Variants in CLSTN2 observed in about 807,000 individuals in gnomAD.
CLSTN2 encodes calsyntenin 2, also known as calsyntenin-2.
A neutral mutation model predicts 101.2 loss-of-function variants in CLSTN2; 48 were observed. That is an observed-to-expected ratio of 0.47 (90% CI 0.38 to 0.60). The LOEUF (loss-of-function observed/expected upper bound fraction) is 0.60. Among genes scored for constraint, CLSTN2 ranks in the 20% least tolerant of loss-of-function variants. The probability of loss-of-function intolerance (pLI) is 0.00; values close to 1 mark genes in which losing one functional copy is unlikely to be tolerated. For missense variants in CLSTN2, 1,160 were observed against 1,238.2 expected, an observed-to-expected ratio of 0.94 and a Z score of 0.95; for synonymous variants, 481 against 463.6, an observed-to-expected ratio of 1.04 and a Z score of -0.48.
At chr3:140,161,757 G>A (rs1277890074) in intron 1 of CLSTN2, among the ~76,000 whole-genome samples, 1 of 152,068 alleles carries the variant, frequency 6.6e-6, no homozygotes, top group Non-Finnish European at 1.5e-5. Flanking sequence ...TACCTGAGCA[G>A]CATGTGCTGT....
chr3:140,131,423 T>C (rs1301112700), intron 1 of CLSTN2, among the ~76,000 whole-genome samples: 1 of 152,162 alleles, frequency 6.6e-6, no homozygotes. Flanking sequence ...AAATACAAAT[T>C]ATGCGTGTGT....
chr3:140,546,497 T>A lies in CLSTN2; in HGVS notation c.1508-18T>A. The A allele has an allele frequency of 1.2e-6, 2 of 1,612,480 alleles. No individual in the cohort carries two copies. The highest frequency in any genetic ancestry group is 1.7e-6 in the Non-Finnish European group (2 of 1,179,118). On this transcript the variant is annotated intron_variant, in intron 9 of 16. Coordinates refer to ENST00000458420, the MANE Select transcript of CLSTN2 (RefSeq NM_022131.3). Reference sequence around the variant, plus strand: ...TACCCAGTCTTCACAGGGCAAATGATGGTGTTTGTTTTTTCAGGAGGAGAA... The same window carrying A: ...TACCCAGTCTTCACAGGGCAAATGAAGGTGTTTGTTTTTTCAGGAGGAGAA...
At chr3:140,539,285 C>G (rs1187030479) in intron 9 of CLSTN2, among the ~76,000 whole-genome samples, 1 of 152,146 alleles carries the variant, frequency 6.6e-6, no homozygotes, top group Non-Finnish European at 1.5e-5. Context: ...CTGGCACACA[C>G]AGAGGTAACT....
intron 1 of CLSTN2, among the ~76,000 whole-genome samples, chr3:140,124,701 C>T (rs960091963): frequency 6.6e-6 from 1 of 152,166 alleles, no homozygotes; most frequent in African/African-American, 2.4e-5. Context: ...GTCCATGAGA[C>T]AGCCAGGTGG....
chr3:140,411,766 C>T (rs2088366525), intron 4 of CLSTN2, among the ~76,000 whole-genome samples: 1 of 152,212 alleles, frequency 6.6e-6, no homozygotes, highest in African/African-American at 2.4e-5. Context: ...CAGGGGAATT[C>T]ACCCATAAGG....
At chr3:140,291,674 G>A (rs777320089) in intron 2 of CLSTN2, among the ~76,000 whole-genome samples, 8 of 151,074 alleles carry the variant, frequency 5.3e-5, no homozygotes, top group Non-Finnish European at 8.8e-5. Flanking sequence ...CCAGTCCTGC[G>A]TATTCCCCTG....
At chr3:140,271,864 G>A (rs2086745155) in intron 2 of CLSTN2, among the ~76,000 whole-genome samples, 1 of 152,230 alleles carries the variant, frequency 6.6e-6, no homozygotes, top group Non-Finnish European at 1.5e-5. Context: ...GCAGACACCA[G>A]ATGTGTAGGT....
At chr3:140,052,483 G>T (rs2008015879) in intron 1 of CLSTN2, among the ~76,000 whole-genome samples, 1 of 152,058 alleles carries the variant, frequency 6.6e-6, no homozygotes. Context: ...ATGATCCCAG[G>T]GTCCACACCT....
chr3:140,385,935 T>A (rs1576543449), intron 2 of CLSTN2, among the ~76,000 whole-genome samples: 1 of 151,670 alleles, frequency 6.6e-6, no homozygotes, highest in South Asian at 2.1e-4. Context: ...GAGGCAGGAG[T>A]CCAGAAATGG....
intron 2 of CLSTN2, among the ~76,000 whole-genome samples, chr3:140,338,023 C>A (rs961349848): frequency 1.3e-5 from 2 of 152,128 alleles, no homozygotes; most frequent in Non-Finnish European, 2.9e-5. Context: ...ATCCAGGACC[C>A]AAGCTCTTGA....
intron 2 of CLSTN2, among the ~76,000 whole-genome samples, chr3:140,198,684 G>C (rs909011973): frequency 1.3e-5 from 2 of 152,214 alleles, no homozygotes; most frequent in African/African-American, 4.8e-5. Context: ...CTAATAGTAA[G>C]TATTTTAGGC....
At chr3:140,308,220 G>A (rs191492833) in intron 2 of CLSTN2, among the ~76,000 whole-genome samples, 5 of 152,300 alleles carry the variant, frequency 3.3e-5, no homozygotes, top group Admixed American at 6.5e-5. Context: ...CAGGCAAAAT[G>A]GAATCAGAGA....
At chr3:140,469,836 A>G (rs1287310167) in intron 8 of CLSTN2, among the ~76,000 whole-genome samples, 3 of 152,182 alleles carry the variant, frequency 2.0e-5, no homozygotes, top group Middle Eastern at 3.2e-3. Context: ...GGGAGAGAGG[A>G]AAGAGGAAAA....
intron 2 of CLSTN2, among the ~76,000 whole-genome samples, chr3:140,357,327 T>A (rs1255687913): frequency 6.6e-6 from 1 of 152,108 alleles, no homozygotes; most frequent in Non-Finnish European, 1.5e-5. Context: ...TTAAAGAATG[T>A]CTTGCCAGGA....
chr3:139,996,398 T>G (rs2006659197), intron 1 of CLSTN2, among the ~76,000 whole-genome samples: 1 of 151,620 alleles, frequency 6.6e-6, no homozygotes, highest in African/African-American at 2.4e-5. Context: ...TGTTGTTTTT[T>G]GTTTTTTTTG....
At chr3:140,315,160 C>T (rs554611963) in intron 2 of CLSTN2, among the ~76,000 whole-genome samples, 1 of 152,278 alleles carries the variant, frequency 6.6e-6, no homozygotes, top group East Asian at 1.9e-4. Context: ...GGATCCTGCT[C>T]AGAGCTCCAA....
At position 140,512,733 on chromosome 3, in the gene CLSTN2, T is replaced by TCCTA. The variant is rs1934839449; in HGVS notation, c.1345-19590_1345-19587dup. 2.0e-5 allele frequency among the ~76,000 whole-genome samples: 3 copies of TCCTA among 152,370 alleles called. No individual in the cohort carries two copies. In the South Asian group the frequency reaches 6.2e-4, roughly 32 times the overall value. ...TGCCCATTTTTAAGATATTGATTCT[T>TCCTA]CCTATTCATGATCATAGAATGTCTT... On this transcript the variant is annotated intron_variant, in intron 8 of 16. Transcript: ENST00000458420.
At chr3:140,209,419 A>T (rs988085886) in intron 2 of CLSTN2, among the ~76,000 whole-genome samples, 18 of 152,100 alleles carry the variant, frequency 1.2e-4, no homozygotes, top group Non-Finnish European at 2.1e-4. Context: ...TTTATTTTTT[A>T]AAAAATTTCC....
chr3:140,130,380 C>T (rs376943205), intron 1 of CLSTN2, among the ~76,000 whole-genome samples: 1 of 152,174 alleles, frequency 6.6e-6, no homozygotes, highest in South Asian at 2.1e-4. Context: ...GTTATGGGAA[C>T]CTTCACTGAT....
Sources: allele counts gnomAD v4.1 joint callset (sites outside exome capture counted in the v4.1 genomes callset), GRCh38; gene constraint gnomAD v4.1.1; transcripts MANE v1.5; gene names NCBI Gene and HGNC (gene_info 2026-07-23, HGNC 2026-07-21).